Variants in APLP1 observed in about 807,000 individuals in gnomAD.
APLP1 encodes amyloid beta precursor like protein 1.
In APLP1, 46 loss-of-function variants were observed where a neutral mutation model predicts 84.5. That is an observed-to-expected ratio of 0.54 (90% CI 0.43 to 0.70). The LOEUF (loss-of-function observed/expected upper bound fraction) is 0.70. Among genes scored for constraint, APLP1 ranks in the 30% least tolerant of loss-of-function variants. The pLI is 0.00. For synonymous variants in APLP1, 376 were observed against 364.0 expected, an observed-to-expected ratio of 1.03 and a Z score of -0.38; for missense variants, 826 against 900.2, an observed-to-expected ratio of 0.92 and a Z score of 1.05.
rs777314180 is a variant in APLP1, at chr19:35,870,892, C to A, written c.292-4C>A. ...GGCTGATTGCCCCCATCTGATCCCCCCAGATGTACCCGGAGCTGCAGATTG... is the reference window on the plus strand; with the variant it reads ...GGCTGATTGCCCCCATCTGATCCCCACAGATGTACCCGGAGCTGCAGATTG... On this transcript the variant is annotated splice_polypyrimidine_tract_variant and splice_region_variant and intron_variant, in intron 2 of 16. Coordinates refer to ENST00000221891, the MANE Select transcript of APLP1 (RefSeq NM_001024807.3). The A allele has an allele frequency of 2.2e-5, 35 of 1,603,806 alleles. 1 individual carries two copies. The South Asian group carries it at 4.0e-4, about 18-fold the overall frequency.
intron 8 of APLP1, 48 bp downstream of exon 8, chr19:35,873,761 G>A (rs900388475): frequency 8.3e-6 from 13 of 1,569,118 alleles, no homozygotes; most frequent in Admixed American, 3.5e-5. Flanking sequence ...ACCACCTGGA[G>A]CACACTCAGT....
chr19:35,877,995 A>G, intron 12 of APLP1, 87 bp from the exon 13 acceptor site: 1 of 1,439,500 alleles, frequency 6.9e-7, no homozygotes, highest in South Asian at 1.2e-5. Flanking sequence ...CCTCCTTCTT[A>G]GTCCCTGGAA....
chr19:35,877,340 T>G (rs1974304322), intron 11 of APLP1, among the ~76,000 whole-genome samples: 1 of 151,828 alleles, frequency 6.6e-6, no homozygotes, highest in Admixed American at 6.6e-5. Context: ...AATACAAAAA[T>G]CAGCCGGGCA....
At chr19:35,871,519 C>T in intron 4 of APLP1, 93 bp from the exon 5 acceptor site, 1 of 1,525,970 alleles carries the variant, frequency 6.6e-7, no homozygotes, top group South Asian at 1.2e-5. Context: ...ATCCAGGCTC[C>T]CAGCCTCATC....
chr19:35,879,136 C>G lies in APLP1; in HGVS notation c.1776C>G (p.Gly592=). Residue 592 remains glycine, a synonymous_variant, in exon 16 of 17, where the codon GGC becomes GGG. Coordinates refer to ENST00000221891, the MANE Select transcript of APLP1 (RefSeq NM_001024807.3). Reference sequence around the variant, plus strand: ...CGGGTCTGCTGATCATGGGAGCGGGCGGAGGCTCCCTCATCGTCCTCTCCA... The same window carrying G: ...CGGGTCTGCTGATCATGGGAGCGGGGGGAGGCTCCCTCATCGTCCTCTCCA... ...AVSGLLIMGA[G]GGSLIVLSML... 1 of 1,612,300 alleles carries G rather than the reference C, an allele frequency of 6.2e-7. No individual in the cohort carries two copies. Among genetic ancestry groups the G allele is most frequent in the Non-Finnish European group, 8.5e-7 (1 of 1,179,978 alleles).
chr19:35,870,855 G>T (rs1279953629), intron 2 of APLP1, 41 bp from the exon 3 acceptor site: 2 of 1,582,766 alleles, frequency 1.3e-6, no homozygotes, highest in Non-Finnish European at 1.7e-6. Context: ...GGCTGGCAGG[G>T]GCGGGGCAGT....
rs1974362908 is a variant in APLP1, at chr19:35,879,334, T to G, written c.1858-9T>G. 1 of 1,613,626 alleles carries G rather than the reference T, an allele frequency of 6.2e-7. No individual in the cohort carries two copies. Among genetic ancestry groups the G allele is most frequent in the Admixed American group, 1.7e-5 (1 of 59,972 alleles). The stretch of plus-strand genomic sequence containing the variant: ...CCACACTGTCCTTTCCCTCCCCTGC[T>G]CGTTGCAGGTGGACCCCATGCTGAC... On this transcript the variant is annotated splice_polypyrimidine_tract_variant and intron_variant, in intron 16 of 16. Coordinates refer to ENST00000221891, the MANE Select transcript of APLP1 (RefSeq NM_001024807.3).
Position 35,879,381 on chromosome 19 carries a change from C to T in APLP1, c.1896C>T (p.Arg632=), listed in dbSNP as rs967695893. The T allele has an allele frequency of 1.2e-6, 2 of 1,613,962 alleles. No individual in the cohort carries two copies. Among genetic ancestry groups the T allele is most frequent in the Non-Finnish European group, 1.7e-6 (2 of 1,180,014 alleles). ...TGACCCTGGAGGAGCAGCAGCTCCG[C>T]GAACTGCAGCGGCACGGCTATGAGA... is the stretch of plus-strand genomic sequence containing the variant. ...PMLTLEEQQL[R]ELQRHGYENP... Residue 632 remains arginine, a synonymous_variant, in exon 17 of 17, where the codon CGC becomes CGT. Coordinates refer to ENST00000221891, the MANE Select transcript of APLP1 (RefSeq NM_001024807.3).
intron 2 of APLP1, chr19:35,870,081 G>C (rs956022833): frequency 1.4e-5 from 7 of 514,250 alleles, no homozygotes; most frequent in African/African-American, 6.1e-5. Flanking sequence ...GAAAGGATAG[G>C]CGGGGCTAAG....
chr19:35,878,246 C>G, intron 13 of APLP1, 138 bp downstream of exon 13: 1 of 988,314 alleles, frequency 1.0e-6, no homozygotes, highest in South Asian at 1.6e-5. Flanking sequence ...TCCTCTGGAC[C>G]CTAAAGAATG....
chr19:35,878,072 TG>T lies in APLP1; in HGVS notation c.1553-8del. The T allele has an allele frequency of 1.2e-6, 2 of 1,612,648 alleles. No homozygotes were observed. Among genetic ancestry groups the T allele is most frequent in the South Asian group, 1.1e-5 (1 of 90,860 alleles). On this transcript the variant is annotated splice_polypyrimidine_tract_variant and intron_variant, in intron 12 of 16. Coordinates refer to ENST00000221891, the MANE Select transcript of APLP1 (RefSeq NM_001024807.3). ...CACTGTTCCACTCCCTTGCTTCCTC[TG>T]GCTGCCAGCAGACACCCCCATGACC...
chr19:35,871,092 CCT>C (rs1974133817), intron 3 of APLP1, 64 bp downstream of exon 3: 2 of 1,501,270 alleles, frequency 1.3e-6, no homozygotes, highest in Non-Finnish European at 1.8e-6. Flanking sequence ...GTTCTGAGCC[CCT>C]CTCTCAGGCC....
chr19:35,872,404 T>G, intron 6 of APLP1, 79 bp from the exon 7 acceptor site: 1 of 1,556,780 alleles, frequency 6.4e-7, no homozygotes, highest in African/African-American at 1.4e-5. Flanking sequence ...CAGTGCACTC[T>G]AGGAAATGTG....
chr19:35,876,066 C>A (rs990226338), intron 10 of APLP1, among the ~76,000 whole-genome samples: 1 of 152,176 alleles, frequency 6.6e-6, no homozygotes, highest in Admixed American at 6.5e-5. Flanking sequence ...TGAGCCACCG[C>A]GCCCGGTCGA....
In APLP1 at chr19:35,879,723, T is replaced by G. The variant is rs1448804531; in HGVS notation, c.*282T>G. The G allele has an allele frequency of 4.7e-6, 2 of 424,126 alleles. No homozygotes were observed. Among genetic ancestry groups the G allele is most frequent in the East Asian group, 8.5e-5 (2 of 23,496 alleles). The allele number at this position is 424,126 out of a possible 1,614,324, so 26.3% of individuals were successfully genotyped here. ...AAGGTGACCGCCACCTTGGTCCTAG[T>G]GTCTATTCCCTGGAATTCACCCTCT... On this transcript the variant is annotated 3_prime_UTR_variant, in exon 17 of 17. Coordinates refer to ENST00000221891, the MANE Select transcript of APLP1 (RefSeq NM_001024807.3).
At position 35,872,600 on chromosome 19, in the gene APLP1, G is replaced by C; in HGVS notation, c.968G>C (p.Arg323Pro). The change falls in exon 7 of 17, where the codon CGC (arginine) becomes CCC (proline). Residue 323 changes from arginine (R) to proline (P), a missense_variant. Around this residue, in one of 3 missense-constraint regions of APLP1, gnomAD observed 433 missense variants for 496.5 expected, o/e 0.87. Coordinates refer to ENST00000221891, the MANE Select transcript of APLP1 (RefSeq NM_001024807.3). ...ATGGACCTGGAGGAGCGTAGGATGC[G>C]CCAGATTAATGAGGTGATAATACTG... ...AKMDLEERRM[R>P]QINEVMREWA... 6.2e-7 allele frequency: 1 copy of C among 1,613,228 alleles called. No homozygotes were observed. Among genetic ancestry groups the C allele is most frequent in the Non-Finnish European group, 8.5e-7 (1 of 1,179,470 alleles).
Position 35,869,815 on chromosome 19 carries a change from G to A in APLP1, c.291+5G>A. 6.3e-7 allele frequency: 1 copy of A among 1,589,134 alleles called. No individual in the cohort carries two copies. Among genetic ancestry groups the A allele is most frequent in the Non-Finnish European group, 8.6e-7 (1 of 1,169,334 alleles). On this transcript the variant is annotated splice_donor_5th_base_variant and intron_variant, in intron 2 of 16. Transcript: ENST00000221891. ...GTGCTGGAGTACTGCAGACAGGTGG[G>A]CGGGGCCGAACGGGAGAGGCGGGGC...
In APLP1 at chr19:35,874,809, G is replaced by A. The variant is rs749664131; in HGVS notation, c.1284G>A (p.Leu428=). The change falls in exon 10 of 17, where the codon CTG becomes CTA. Residue 428 remains leucine (L), a synonymous_variant. Transcript: ENST00000221891. This position sits in a 1 kb window ranked among gnomAD's most constrained non-coding sequence, Gnocchi z 6.4. The stretch of plus-strand genomic sequence containing the variant: ...AGCAGAAGGAACAGAGGCACACGCT[G>A]CGCCACTACCAGCATGTGGCCGCCG... ...RAEQKEQRHT[L]RHYQHVAAVD... 1 of 1,612,754 alleles carries A rather than the reference G, an allele frequency of 6.2e-7. No individual in the cohort carries two copies. The highest frequency in any genetic ancestry group is 8.5e-7 in the Non-Finnish European group (1 of 1,180,006).
At position 35,868,687 on chromosome 19, in the gene APLP1, G is replaced by A; in HGVS notation, c.51G>A (p.Gln17=). 2.1e-6 allele frequency: 3 copies of A among 1,408,758 alleles called. No individual in the cohort carries two copies. Among genetic ancestry groups the A allele is most frequent in the Non-Finnish European group, 2.8e-6 (3 of 1,085,222 alleles). The allele number at this position is 1,408,758 out of a possible 1,614,324, so 87.3% of individuals were successfully genotyped here. Residue 17 remains glutamine (Q), a synonymous_variant, in exon 1 of 17, where the codon CAG becomes CAA. Coordinates refer to ENST00000221891, the MANE Select transcript of APLP1 (RefSeq NM_001024807.3). The surrounding 1 kb of genome is among the most constrained non-coding windows in gnomAD (Gnocchi z 5.2). ...AARGLSRRPG[Q]PPLPLLLPLL... is the part of the protein sequence containing the mutation. ...GCGGTCTAAGTCGCCGCCCGGGCCAGCCGCCGCTGCCGCTGCTGCTGCCAC... is the reference window on the plus strand; with the variant it reads ...GCGGTCTAAGTCGCCGCCCGGGCCAACCGCCGCTGCCGCTGCTGCTGCCAC...
Sources: gnomAD v4.1 joint callset for allele counts (sites outside exome capture counted in the v4.1 genomes callset) on GRCh38, gnomAD v4.1.1 for gene constraint, gnomAD v4.1.1 regional missense constraint, Gnocchi (gnomAD v3.1) non-coding constraint, MANE v1.5 for transcripts, NCBI Gene and HGNC (gene_info 2026-07-23, HGNC 2026-07-21) for gene names.